XKR6: variants seen among roughly 807,000 people sequenced by gnomAD.
The protein encoded by XKR6 is XK related 6.
In XKR6, 22 loss-of-function variants were observed where a neutral mutation model predicts 56.7. The observed-to-expected ratio is 0.39, with a 90% CI of 0.28 to 0.55. The LOEUF (loss-of-function observed/expected upper bound fraction) is 0.55, where lower values mean the gene tolerates loss of function less well. XKR6 is among the 20% of genes least tolerant of loss of function. The probability of loss-of-function intolerance (pLI) is 0.66; values close to 1 mark genes in which losing one functional copy is unlikely to be tolerated. For missense variants in XKR6, 852 were observed against 889.0 expected, an observed-to-expected ratio of 0.96 and a Z score of 0.53; for synonymous variants, 524 against 387.8, an observed-to-expected ratio of 1.35 and a Z score of -4.13.
intron 1 of XKR6, among the ~76,000 whole-genome samples, chr8:10,947,957 G>C (rs567704705): frequency 3.9e-4 from 60 of 152,336 alleles, no homozygotes; most frequent in African/African-American, 1.4e-3. Context: ...GTGGCTGTCA[G>C]GCCTGGGGTT....
intron 1 of XKR6, among the ~76,000 whole-genome samples, chr8:10,963,341 C>T (rs1802121506): frequency 6.6e-6 from 1 of 152,178 alleles, no homozygotes; most frequent in Non-Finnish European, 1.5e-5. Context: ...AAAGAGCAGC[C>T]CTGCTCCAAA....
chr8:11,053,128 C>T (rs577065877), intron 1 of XKR6, among the ~76,000 whole-genome samples: 94 of 152,336 alleles, frequency 6.2e-4, no homozygotes, highest in Non-Finnish European at 1.1e-3. Flanking sequence ...TTCTGAGCCC[C>T]GCAGACACTG....
At chr8:11,192,901 T>A (rs982400221) in intron 1 of XKR6, among the ~76,000 whole-genome samples, 3 of 152,142 alleles carry the variant, frequency 2.0e-5, no homozygotes, top group African/African-American at 7.2e-5. Context: ...GAGTTCTAGA[T>A]TGCCCTGCCT....
rs1300913111 is a variant in XKR6 at position 10,954,833 on chromosome 8, G to T, written c.765-30003C>A. 9.0e-5 allele frequency among the ~76,000 whole-genome samples: 9 copies of T among 100,512 alleles called. No homozygotes were observed. In the East Asian group the frequency reaches 1.7e-3, roughly 18 times the overall value. 65.9% of individuals were successfully genotyped at this position (100,512 alleles called of 152,430 possible). A position where few individuals can be genotyped will look rare whatever the true frequency, so the allele number is the denominator to read the frequency against. ...TGATGATTTTGACTTGTTTTTTTTTGTATGATGTAAGGTAAGGGTCTAACT... is the reference window on the plus strand; with the variant it reads ...TGATGATTTTGACTTGTTTTTTTTTTTATGATGTAAGGTAAGGGTCTAACT... On this transcript the variant is annotated intron_variant, in intron 1 of 2. Coordinates refer to ENST00000416569, the MANE Select transcript of XKR6 (RefSeq NM_173683.4).
intron 1 of XKR6, among the ~76,000 whole-genome samples, chr8:11,051,466 G>C (rs1370204609): frequency 6.6e-6 from 1 of 152,148 alleles, no homozygotes; most frequent in Non-Finnish European, 1.5e-5. Flanking sequence ...GAACTCCTAA[G>C]TTTTCCCCTC....
chr8:11,117,106 CTATT>C (rs1019740791), intron 1 of XKR6, among the ~76,000 whole-genome samples: 6 of 152,134 alleles, frequency 3.9e-5, no homozygotes, highest in African/African-American at 1.2e-4. Context: ...AAAACAAATG[CTATT>C]TATTTAAGAA....
intron 1 of XKR6, among the ~76,000 whole-genome samples, chr8:11,197,988 G>A (rs1197977747): frequency 6.6e-6 from 1 of 152,186 alleles, no homozygotes; most frequent in Non-Finnish European, 1.5e-5. Context: ...TCTTTTCTTA[G>A]AGATGCGGCC....
chr8:11,097,501 A>C (rs1360865676), intron 1 of XKR6, among the ~76,000 whole-genome samples: 1 of 151,780 alleles, frequency 6.6e-6, no homozygotes, highest in Non-Finnish European at 1.5e-5. Context: ...AAAAGGCAAT[A>C]AATATTGGTT....
chr8:10,920,293 GC>G (rs1800673537), intron 2 of XKR6, among the ~76,000 whole-genome samples: 1 of 152,114 alleles, frequency 6.6e-6, no homozygotes, highest in Admixed American at 6.5e-5. Context: ...CAAGAAAACA[GC>G]CAGATATCTT....
intron 1 of XKR6, among the ~76,000 whole-genome samples, chr8:10,962,810 A>T (rs1802103086): frequency 6.6e-6 from 1 of 151,898 alleles, no homozygotes; most frequent in Non-Finnish European, 1.5e-5. Context: ...TTTAGTAGAG[A>T]TGGGGTCTCA....
In XKR6 at chr8:10,900,137, C is replaced by G. The variant is rs561234666; in HGVS notation, c.962-1221G>C. On this transcript the variant is annotated intron_variant, in intron 2 of 2. Transcript: ENST00000416569. ...CGAATGCTGTCCCACTGGCAACGAC[C>G]TCCTTAGGAAAGCTTTACCCTCCCA... Among the ~76,000 whole-genome samples, 5 of 152,300 alleles carry G rather than the reference C, an allele frequency of 3.3e-5. No homozygotes were observed. In the South Asian group the frequency reaches 1.0e-3, roughly 32 times the overall value.
intron 1 of XKR6, among the ~76,000 whole-genome samples, chr8:11,082,046 A>T (rs576136538): frequency 6.6e-6 from 1 of 152,318 alleles, no homozygotes; most frequent in Non-Finnish European, 1.5e-5. Context: ...GAGGGGAGCT[A>T]GCAGTCAGAC....
At chr8:11,108,227 T>A (rs771052117) in intron 1 of XKR6, 3 of 452,810 alleles carry the variant, frequency 6.6e-6, no homozygotes, top group Non-Finnish European at 1.3e-5. Context: ...GAAATAACCA[T>A]ACAATTGTAA....
At chr8:11,191,255 A>G (rs548144338) in intron 1 of XKR6, among the ~76,000 whole-genome samples, 13 of 152,330 alleles carry the variant, frequency 8.5e-5, no homozygotes, top group African/African-American at 1.9e-4. Flanking sequence ...TAAAACACAT[A>G]CACCCACCAA....
chr8:11,104,538 G>A (rs778264944), intron 1 of XKR6, among the ~76,000 whole-genome samples: 1 of 152,172 alleles, frequency 6.6e-6, no homozygotes, highest in East Asian at 1.9e-4. Context: ...ATTCATCCTT[G>A]GTTTCTCTTC....
chr8:11,105,961 C>A (rs78871329), intron 1 of XKR6: 1 of 152,130 alleles, frequency 6.6e-6, no homozygotes, highest in Non-Finnish European at 1.5e-5. Flanking sequence ...AAACGACAAG[C>A]TTTTAAATAA....
chr8:11,100,055 ATTTTG>A (rs1482300226), intron 1 of XKR6, among the ~76,000 whole-genome samples: 4 of 151,712 alleles, frequency 2.6e-5, no homozygotes, highest in Non-Finnish European at 4.4e-5. Context: ...TTTTCTTTTC[ATTTTG>A]TTTTGTTTTG....
chr8:10,904,310 C>A (rs1800123883), intron 2 of XKR6, among the ~76,000 whole-genome samples: 1 of 152,096 alleles, frequency 6.6e-6, no homozygotes, highest in Admixed American at 6.5e-5. Context: ...GGCAACTCCC[C>A]AGAGAAAGGC....
intron 1 of XKR6, among the ~76,000 whole-genome samples, chr8:10,941,156 C>T (rs1236459884): frequency 6.6e-6 from 1 of 152,148 alleles, no homozygotes; most frequent in Non-Finnish European, 1.5e-5. Context: ...CAACAGGCTC[C>T]TTCTACCCTC....
Sources: gnomAD v4.1 joint callset for allele counts (sites outside exome capture counted in the v4.1 genomes callset) on GRCh38, gnomAD v4.1.1 for gene constraint, MANE v1.5 for transcripts, NCBI Gene and HGNC (gene_info 2026-07-23, HGNC 2026-07-21) for gene names.